GALNTL6: variants seen among roughly 807,000 people sequenced by gnomAD.
GALNTL6 encodes the protein polypeptide N-acetylgalactosaminyltransferase-like 6.
Under a neutral mutation model 73.7 loss-of-function variants are expected in GALNTL6, and 46 were observed. The ratio of observed to expected loss-of-function variants is 0.62; its 90% CI spans 0.49 to 0.80. The LOEUF is 0.80. Ranked by LOEUF, GALNTL6 falls within the 30% of genes least tolerant of loss-of-function variation. The pLI is 0.00. For missense variants in GALNTL6, 604 were observed against 755.0 expected, an observed-to-expected ratio of 0.80 and a Z score of 2.34; for synonymous variants, 259 against 263.7, an observed-to-expected ratio of 0.98 and a Z score of 0.17.
intron 2 of GALNTL6, among the ~76,000 whole-genome samples, chr4:171,890,854 G>A (rs1392624745): frequency 6.6e-6 from 1 of 152,106 alleles, no homozygotes; most frequent in Admixed American, 6.6e-5. Context: ...AGTCATTACC[G>A]GTAAAATTTT....
At chr4:173,014,116 C>T (rs1195121480) in intron 11 of GALNTL6, among the ~76,000 whole-genome samples, 2 of 151,520 alleles carry the variant, frequency 1.3e-5, no homozygotes, top group Non-Finnish European at 2.9e-5. Context: ...AAAAAGAGTC[C>T]ATTGAAGGAC....
intron 5 of GALNTL6, among the ~76,000 whole-genome samples, chr4:172,546,192 A>G (rs1433110957): frequency 1.3e-5 from 2 of 152,190 alleles, no homozygotes; most frequent in Non-Finnish European, 2.9e-5. Context: ...TCGGGAGAGA[A>G]GAAATTTTTA....
intron 2 of GALNTL6, among the ~76,000 whole-genome samples, chr4:171,849,025 C>T (rs1157909379): frequency 1.3e-5 from 2 of 152,070 alleles, no homozygotes; most frequent in Non-Finnish European, 2.9e-5. Flanking sequence ...GTGACCATCG[C>T]CTGAATAGTG....
At chr4:172,244,852 ATCTTTTTTCCTCTTAGTATTGTAT>A (rs1737567548) in intron 3 of GALNTL6, among the ~76,000 whole-genome samples, 1 of 152,174 alleles carries the variant, frequency 6.6e-6, no homozygotes, top group Admixed American at 6.6e-5. Context: ...TCTCCCCCAA[ATCTTTTTTCCTCTTAGTATTGTAT>A]TTATGCTTTT....
intron 3 of GALNTL6, among the ~76,000 whole-genome samples, chr4:172,263,325 T>G (rs1480425373): frequency 2.0e-5 from 3 of 151,362 alleles, no homozygotes; most frequent in Non-Finnish European, 3.0e-5. Context: ...TAAAATTTAT[T>G]TTCTTTGTCT....
chr4:172,381,839 A>G (rs1051577192), intron 5 of GALNTL6, among the ~76,000 whole-genome samples: 10 of 152,218 alleles, frequency 6.6e-5, no homozygotes, highest in African/African-American at 1.2e-4. Flanking sequence ...AAATCATTTT[A>G]TTTATGATAG....
Position 171,850,369 on chromosome 4 carries a change from C to G in GALNTL6, c.138+35651C>G, listed in dbSNP as rs117170079. Among the ~76,000 whole-genome samples, 280 of 152,268 alleles carry G rather than the reference C, an allele frequency of 1.8e-3. 5 individuals are homozygous for G. In the East Asian group the frequency reaches 0.042, roughly 23 times the overall value. On this transcript the variant is annotated intron_variant, in intron 2 of 12. Transcript: ENST00000506823. ...CCAGAACCAGTCCATGGTCAGCGAT[C>G]TTAGGAGGAGAAAGTTACTGAAATC...
intron 5 of GALNTL6, among the ~76,000 whole-genome samples, chr4:172,782,094 A>G (rs1739397621): frequency 6.6e-6 from 1 of 152,112 alleles, no homozygotes; most frequent in South Asian, 2.1e-4. Context: ...TCAATTGACC[A>G]TAACCTTCTC....
intron 10 of GALNTL6, among the ~76,000 whole-genome samples, chr4:173,003,797 C>T (rs570806895): frequency 2.0e-5 from 3 of 152,246 alleles, no homozygotes; most frequent in South Asian, 2.1e-4. Flanking sequence ...TCTACTCATC[C>T]TCCAGGGCCC....
chr4:172,532,268 GAA>G (rs1735194180), intron 5 of GALNTL6, among the ~76,000 whole-genome samples: 1 of 152,192 alleles, frequency 6.6e-6, no homozygotes, highest in South Asian at 2.1e-4. Flanking sequence ...ATCCTTATAA[GAA>G]GAGAGACAGA....
chr4:172,659,181 C>A (rs554031519), intron 5 of GALNTL6, among the ~76,000 whole-genome samples: 75 of 152,234 alleles, frequency 4.9e-4, no homozygotes, highest in Non-Finnish European at 8.4e-4. Flanking sequence ...GCTTTTGGGG[C>A]AGTATGATGC....
At chr4:172,567,358 G>A (rs1333048947) in intron 5 of GALNTL6, among the ~76,000 whole-genome samples, 1 of 151,986 alleles carries the variant, frequency 6.6e-6, no homozygotes. Flanking sequence ...TCCTGCTTGT[G>A]CCCTGATAGG....
At chr4:172,574,932 GCA>G (rs1736904298) in intron 5 of GALNTL6, among the ~76,000 whole-genome samples, 1 of 61,618 alleles carries the variant, frequency 1.6e-5, no homozygotes, top group South Asian at 7.2e-4. Context: ...GTATACACAC[GCA>G]CACATACACA....
At chr4:171,919,584 T>C (rs1198810417) in intron 2 of GALNTL6, among the ~76,000 whole-genome samples, 1 of 151,954 alleles carries the variant, frequency 6.6e-6, no homozygotes, top group East Asian at 1.9e-4. Flanking sequence ...AGGATACTTA[T>C]AGGCACCTGA....
chr4:172,221,234 G>A (rs1456771716), intron 2 of GALNTL6, among the ~76,000 whole-genome samples: 1 of 151,622 alleles, frequency 6.6e-6, no homozygotes, highest in Non-Finnish European at 1.5e-5. Context: ...CCCTTTAGTT[G>A]TAACACAATG....
chr4:172,584,339 A>G (rs1737320501), intron 5 of GALNTL6, among the ~76,000 whole-genome samples: 1 of 152,204 alleles, frequency 6.6e-6, no homozygotes, highest in East Asian at 1.9e-4. Context: ...AAGAAGGTTT[A>G]AGAAACAAAT....
At chr4:172,717,172 C>G (rs1452542753) in intron 5 of GALNTL6, among the ~76,000 whole-genome samples, 2 of 151,918 alleles carry the variant, frequency 1.3e-5, no homozygotes, top group Non-Finnish European at 2.9e-5. Flanking sequence ...AAAGCCTTAG[C>G]CAAATTAAGC....
At chr4:172,440,473 G>T (rs1030326064) in intron 5 of GALNTL6, among the ~76,000 whole-genome samples, 2 of 152,112 alleles carry the variant, frequency 1.3e-5, no homozygotes, top group African/African-American at 2.4e-5. Context: ...GTTGCTGAGG[G>T]TTGGGGTATT....
intron 5 of GALNTL6, chr4:172,380,091 G>C: frequency 1.0e-6 from 1 of 977,674 alleles, no homozygotes; most frequent in Non-Finnish European, 1.7e-6. Flanking sequence ...CTTGGGCTTC[G>C]TTGGTGTTTC....
Sources: allele counts gnomAD v4.1 joint callset (sites outside exome capture counted in the v4.1 genomes callset), GRCh38; gene constraint gnomAD v4.1.1; transcripts MANE v1.5; gene names NCBI Gene and HGNC (gene_info 2026-07-23, HGNC 2026-07-21).